Variants in ZFYVE28 observed in about 807,000 individuals in gnomAD.
ZFYVE28 encodes the protein lateral signaling target protein 2 homolog.
ZFYVE28 carries 40 observed loss-of-function variants against 82.1 expected under a neutral mutation model. That is an observed-to-expected ratio of 0.49 (90% CI 0.38 to 0.63). ZFYVE28 has a LOEUF of 0.63. ZFYVE28 is among the 30% of genes least tolerant of loss of function. The pLI is 0.00. For missense variants in ZFYVE28, 1,321 were observed against 1,242.1 expected, an observed-to-expected ratio of 1.06 and a Z score of -0.96; for synonymous variants, 612 against 546.1, an observed-to-expected ratio of 1.12 and a Z score of -1.68.
Position 2,396,705 on chromosome 4 carries a change from A to G in ZFYVE28, c.39+21580T>C, listed in dbSNP as rs61186295. Among the ~76,000 whole-genome samples the G allele has an allele frequency of 1.3e-4, 3 of 22,708 alleles. 1 individual carries two copies. The African/African-American group carries it at 1.6e-3, about 12-fold the overall frequency. The allele number at this position is 22,708 out of a possible 152,430, so 14.9% of individuals were successfully genotyped here. On this transcript the variant is annotated intron_variant, in intron 1 of 12. Coordinates refer to ENST00000290974, the MANE Select transcript of ZFYVE28 (RefSeq NM_020972.3). ...GCGGGGTGTCTGAGCTGATGGGACC[A>G]GCCATCCTGCAGAGGGGCCACAAGG...
rs182945285 is a variant in ZFYVE28, at chr4:2,409,771, G to A, written c.39+8514C>T. ...AAATTTGTCAGAACTACCCAACCAC[G>A]ATCAATCCCAGACACAGAACTCCTT... On this transcript the variant is annotated intron_variant, in intron 1 of 12. Transcript: ENST00000290974. This position sits in a 1 kb window ranked among gnomAD's most constrained non-coding sequence, Gnocchi z 4.4. Among the ~76,000 whole-genome samples the A allele has an allele frequency of 5.3e-5, 8 of 152,338 alleles. No homozygotes were observed. The highest frequency in any genetic ancestry group is 4.6e-4 in the Admixed American group (7 of 15,306).
chr4:2,359,583 A>C (rs956848871), intron 1 of ZFYVE28, among the ~76,000 whole-genome samples: 2 of 152,216 alleles, frequency 1.3e-5, no homozygotes, highest in African/African-American at 4.8e-5. Flanking sequence ...CGGTGTCTGC[A>C]AGCCAAGGAG....
chr4:2,307,668 AT>A (rs1026174313), intron 7 of ZFYVE28, among the ~76,000 whole-genome samples: 6 of 152,008 alleles, frequency 3.9e-5, no homozygotes, highest in Non-Finnish European at 7.4e-5. Context: ...AATTAAAAAA[AT>A]TTTTTTTAGA....
In ZFYVE28 at chr4:2,270,701, G is replaced by T; in HGVS notation, c.*24C>A. 1 of 1,612,596 alleles carries T rather than the reference G, an allele frequency of 6.2e-7. No individual in the cohort carries two copies. The highest frequency in any genetic ancestry group is 8.5e-7 in the Non-Finnish European group (1 of 1,179,742). On this transcript the variant is annotated 3_prime_UTR_variant, in exon 13 of 13. Coordinates refer to ENST00000290974, the MANE Select transcript of ZFYVE28 (RefSeq NM_020972.3). ...TCCTGGGGGTTCCTGGCCCGGGTGG[G>T]TTGGGGCTGCCCCTGGCACCACGTC...
intron 7 of ZFYVE28, chr4:2,319,143 CA>C (rs1718670404): frequency 2.0e-5 from 3 of 152,518 alleles, no homozygotes; most frequent in African/African-American, 7.2e-5. Context: ...ATATGTGGGG[CA>C]GGGGGTGCAT....
rs140587130 is a variant in ZFYVE28, at chr4:2,331,384, G to A, written c.701+4321C>T. 2.7e-3 allele frequency among the ~76,000 whole-genome samples: 418 copies of A among 152,148 alleles called. 2 individuals are homozygous for A. Among genetic ancestry groups the A allele is most frequent in the African/African-American group, 9.8e-3 (406 of 41,468 alleles). On this transcript the variant is annotated intron_variant, in intron 6 of 12. Transcript: ENST00000290974. ...GGGCTGGGCACGGTACCTCATGCCT[G>A]TAATCCTAGCACTTTAGGAGACCAA... is the stretch of plus-strand genomic sequence containing the variant.
At chr4:2,327,821 C>T (rs1464216560) in intron 6 of ZFYVE28, among the ~76,000 whole-genome samples, 1 of 152,172 alleles carries the variant, frequency 6.6e-6, no homozygotes, top group East Asian at 1.9e-4. Flanking sequence ...ACCAACATCA[C>T]TAGTCATTAG....
chr4:2,348,580 C>T (rs1484463708), intron 2 of ZFYVE28, among the ~76,000 whole-genome samples: 7 of 152,166 alleles, frequency 4.6e-5, no homozygotes, highest in South Asian at 4.1e-4. Flanking sequence ...GTACCATGAA[C>T]GAGTGGGATT....
At chr4:2,324,535 A>G (rs140590346) in intron 6 of ZFYVE28, 154 of 184,456 alleles carry the variant, frequency 8.3e-4, no homozygotes, top group Non-Finnish European at 1.9e-4. Flanking sequence ...CTGAGGTAAC[A>G]TTCAACTGAT....
chr4:2,280,372 A>G (rs2108802916), intron 8 of ZFYVE28, among the ~76,000 whole-genome samples: 1 of 152,060 alleles, frequency 6.6e-6, no homozygotes, highest in South Asian at 2.1e-4. Flanking sequence ...GCCAGGCATG[A>G]TGGTGTGCAC....
Position 2,408,657 on chromosome 4 carries a change from A to C in ZFYVE28, c.39+9628T>G, listed in dbSNP as rs1732182383. On this transcript the variant is annotated intron_variant, in intron 1 of 12. Transcript: ENST00000290974. This position sits in a 1 kb window ranked among gnomAD's most constrained non-coding sequence, Gnocchi z 4.3. ...ACCTAGATGATGGCGCCCCATCCAG[A>C]TAGAGTCCCGCCCAGATGAGTACCA... Among the ~76,000 whole-genome samples, 2 of 152,028 alleles carry C rather than the reference A, an allele frequency of 1.3e-5. No homozygotes were observed. Among genetic ancestry groups the C allele is most frequent in the African/African-American group, 4.8e-5 (2 of 41,384 alleles).
intron 1 of ZFYVE28, among the ~76,000 whole-genome samples, chr4:2,355,243 T>A (rs1578224347): frequency 2.9e-5 from 1 of 34,544 alleles, no homozygotes; most frequent in African/African-American, 1.2e-4. Context: ...TATATATATA[T>A]ATATATATAT....
chr4:2,320,145 C>T lies in ZFYVE28; in HGVS notation c.803+25G>A. 6.3e-7 allele frequency: 1 copy of T among 1,587,402 alleles called. No individual in the cohort carries two copies. The highest frequency in any genetic ancestry group is 8.6e-7 in the Non-Finnish European group (1 of 1,156,160). ...GGCCCTCCTGTCCCCCTCCCCTCCC[C>T]CACCTCCTCTAGCTCCATCCCCACC... On this transcript the variant is annotated intron_variant, in intron 7 of 12. Coordinates refer to ENST00000290974, the MANE Select transcript of ZFYVE28 (RefSeq NM_020972.3). This position sits in a 1 kb window ranked among gnomAD's most constrained non-coding sequence, Gnocchi z 5.1.
chr4:2,305,571 C>T, intron 7 of ZFYVE28, 35 bp from the exon 8 acceptor site: 1 of 1,611,534 alleles, frequency 6.2e-7, no homozygotes, highest in East Asian at 2.2e-5. Context: ...GGTGAGGGTC[C>T]CAAAAGCCAC....
chr4:2,363,451 T>C (rs1212325673), intron 1 of ZFYVE28, among the ~76,000 whole-genome samples: 3 of 152,026 alleles, frequency 2.0e-5, no homozygotes, highest in Admixed American at 6.5e-5. Context: ...AAGCAGGGTG[T>C]CCTTCAAAGC....
intron 7 of ZFYVE28, among the ~76,000 whole-genome samples, chr4:2,318,468 G>A (rs571410342): frequency 7.2e-5 from 11 of 152,320 alleles, no homozygotes; most frequent in Middle Eastern, 3.4e-3. Context: ...TGAGGCAGGA[G>A]AATCTCTTGA....
At chr4:2,290,027 G>A (rs1027269388) in intron 8 of ZFYVE28, among the ~76,000 whole-genome samples, 4 of 152,144 alleles carry the variant, frequency 2.6e-5, no homozygotes, top group Non-Finnish European at 4.4e-5. Context: ...CGCTGTCCTT[G>A]CGGAGGCCAG....
intron 1 of ZFYVE28, among the ~76,000 whole-genome samples, chr4:2,402,144 G>A (rs3128777): frequency 0.88 from 134,302 of 152,222 alleles, 59,589 homozygotes; most frequent in African/African-American, 0.97. Flanking sequence ...TGGGTCCCCA[G>A]TGAGCATGGA....
At chr4:2,327,311 G>GATAT (rs1560209256) in intron 6 of ZFYVE28, among the ~76,000 whole-genome samples, 1 of 66,592 alleles carries the variant, frequency 1.5e-5, no homozygotes, top group African/African-American at 5.7e-5. Flanking sequence ...TATATATATC[G>GATAT]AATAAAGTTG....
Sources: allele counts gnomAD v4.1 joint callset (sites outside exome capture counted in the v4.1 genomes callset), GRCh38; gene constraint gnomAD v4.1.1; non-coding constraint Gnocchi (gnomAD v3.1); transcripts MANE v1.5; gene names NCBI Gene and HGNC (gene_info 2026-07-23, HGNC 2026-07-21).